SYT11: variants seen among roughly 807,000 people sequenced by gnomAD.
SYT11 encodes synaptotagmin-11.
Under a neutral mutation model 30.4 loss-of-function variants are expected in SYT11, and 12 were observed. The observed-to-expected ratio is 0.39, with a 90% CI of 0.25 to 0.64. The LOEUF (loss-of-function observed/expected upper bound fraction) is 0.64, where lower values mean the gene tolerates loss of function less well. Ranked by LOEUF, SYT11 falls within the 30% of genes least tolerant of loss-of-function variation. The probability of loss-of-function intolerance (pLI) is 0.45; values close to 1 mark genes in which losing one functional copy is unlikely to be tolerated. For synonymous variants in SYT11, 204 were observed against 216.0 expected (o/e 0.94, Z 0.49); for missense variants, 412 against 552.0 (o/e 0.75, Z 2.54).
Position 155,881,093 on chromosome 1 carries a change from A to G in SYT11, c.986-105A>G. 2.5e-6 allele frequency: 3 copies of G among 1,220,588 alleles called. No individual in the cohort carries two copies. In the Admixed American group the frequency reaches 6.7e-5, roughly 27 times the overall value. The allele number at this position is 1,220,588 out of a possible 1,614,324, so 75.6% of individuals were successfully genotyped here. On this transcript the variant is annotated intron_variant, in intron 3 of 3. Coordinates refer to ENST00000368324, the MANE Select transcript of SYT11 (RefSeq NM_152280.5). ...AACACATGGGATGGCCATCAAAGAT[A>G]CGAACAACAGAGCCCCCCCTTTCCC...
At chr1:155,878,934 A>T (rs531915928) in intron 2 of SYT11, among the ~76,000 whole-genome samples, 1 of 152,118 alleles carries the variant, frequency 6.6e-6, no homozygotes, top group East Asian at 1.9e-4. Context: ...GCCTCCCCTG[A>T]ATCTCCCAGC....
rs1673045831 is a variant in SYT11, at chr1:155,885,094, ATAATGCTG to A, written c.*3594_*3601del. ...GCTAACATGAATTGTGTGAAATTGC[ATAATGCTG>A]TAATGCTAATCTACAATATGTAATG... On this transcript the variant is annotated 3_prime_UTR_variant, in exon 4 of 4. Transcript: ENST00000368324. The A allele has an allele frequency of 6.5e-6, 1 of 152,786 alleles. No individual in the cohort carries two copies. Among genetic ancestry groups the A allele is most frequent in the African/African-American group, 2.4e-5 (1 of 41,474 alleles). The allele number at this position is 152,786 out of a possible 1,614,324, so 9.5% of individuals were successfully genotyped here.
chr1:155,872,052 CAGA>C (rs1672788475), intron 2 of SYT11, among the ~76,000 whole-genome samples: 1 of 151,712 alleles, frequency 6.6e-6, no homozygotes, highest in Admixed American at 6.6e-5. Context: ...GCCTGGATGA[CAGA>C]AGGAGACCCT....
Position 155,882,601 on chromosome 1 carries a change from T to C in SYT11, c.*1093T>C, listed in dbSNP as rs1484505013. 6.6e-6 allele frequency: 1 copy of C among 152,384 alleles called. No individual in the cohort carries two copies. Among genetic ancestry groups the C allele is most frequent in the Non-Finnish European group, 1.5e-5 (1 of 68,046 alleles). The allele number at this position is 152,384 out of a possible 1,614,324, so 9.4% of individuals were successfully genotyped here. On this transcript the variant is annotated 3_prime_UTR_variant, in exon 4 of 4. Transcript: ENST00000368324. ...AGAACTTGGATTTTATCAAACTTGA[T>C]GACTTCTCTAAAAGGAGCTTTGGAA...
intron 2 of SYT11, among the ~76,000 whole-genome samples, chr1:155,877,023 G>A (rs1037077602): frequency 2.1e-5 from 3 of 143,700 alleles, no homozygotes; most frequent in Non-Finnish European, 4.5e-5. Context: ...CTGGAGTGCA[G>A]TGACTACAAT....
intron 2 of SYT11, among the ~76,000 whole-genome samples, chr1:155,877,798 C>T (rs1262547899): frequency 2.0e-5 from 3 of 152,054 alleles, no homozygotes; most frequent in Non-Finnish European, 4.4e-5. Context: ...ACTCGTGATC[C>T]GCCTGCCTCG....
Position 155,881,546 on chromosome 1 carries a change from TG to T in SYT11, c.*42del. ...CTCCTCTAATCCCCGGGGGCCAAGC[TG>T]GGGAGGGATGTGGAGGGGAAAAAGA... On this transcript the variant is annotated 3_prime_UTR_variant, in exon 4 of 4. Coordinates refer to ENST00000368324, the MANE Select transcript of SYT11 (RefSeq NM_152280.5). The T allele has an allele frequency of 6.5e-7, 1 of 1,534,544 alleles. No homozygotes were observed. Among genetic ancestry groups the T allele is most frequent in the Non-Finnish European group, 8.8e-7 (1 of 1,133,030 alleles).
At chr1:155,876,101 CA>C (rs936247447) in intron 2 of SYT11, among the ~76,000 whole-genome samples, 11 of 151,958 alleles carry the variant, frequency 7.2e-5, no homozygotes, top group African/African-American at 2.4e-4. Flanking sequence ...TATTTTTGCT[CA>C]ATTTAAGAAT....
At chr1:155,879,091 G>T (rs566222218) in intron 2 of SYT11, among the ~76,000 whole-genome samples, 72 of 151,908 alleles carry the variant, frequency 4.7e-4, no homozygotes, top group African/African-American at 1.4e-3. Flanking sequence ...TCAAAACCTG[G>T]CATGCAGTGC....
chr1:155,881,341 A>G lies in SYT11; in HGVS notation c.1129A>G (p.Ile377Val), dbSNP rs764611434. 31 of 1,614,220 alleles carry G rather than the reference A, an allele frequency of 1.9e-5. No homozygotes were observed. Among genetic ancestry groups the G allele is most frequent in the Non-Finnish European group, 2.5e-5 (30 of 1,180,040 alleles). The change falls in exon 4 of 4, where the codon ATC becomes GTC. Residue 377 changes from isoleucine to valine, a missense_variant. Transcript: ENST00000368324. Reference sequence around the variant, plus strand: ...CACTGACCTCCTGCCTGATATCAGCATCGAGTTCCTCGTTATCGACTTCGA... The same window carrying G: ...CACTGACCTCCTGCCTGATATCAGCGTCGAGTTCCTCGTTATCGACTTCGA... The part of the protein sequence containing the change: ...IPTDLLPDIS[I>V]EFLVIDFDRT...
chr1:155,866,275 G>T (rs1387612984), intron 1 of SYT11, among the ~76,000 whole-genome samples: 1 of 151,996 alleles, frequency 6.6e-6, no homozygotes, highest in Admixed American at 6.6e-5. Context: ...ACCACACCTG[G>T]CTAATTTTTG....
At chr1:155,859,837 G>T in intron 1 of SYT11, 42 bp downstream of exon 1, 1 of 1,600,932 alleles carries the variant, frequency 6.2e-7, no homozygotes, top group Non-Finnish European at 8.6e-7. Flanking sequence ...TGGTCAGAAT[G>T]GTTGCAAGGC....
chr1:155,874,232 C>A (rs1672824535), intron 2 of SYT11, among the ~76,000 whole-genome samples: 1 of 152,080 alleles, frequency 6.6e-6, no homozygotes, highest in Non-Finnish European at 1.5e-5. Flanking sequence ...TGAGATCGTG[C>A]CACTGCACTC....
rs771983348 is a variant in SYT11, at chr1:155,868,515, C to T, written c.585C>T (p.Asp195=). 1.9e-6 allele frequency: 3 copies of T among 1,614,036 alleles called. No individual in the cohort carries two copies. Among genetic ancestry groups the T allele is most frequent in the African/African-American group, 2.7e-5 (2 of 74,924 alleles). ...TGGATGACCAGACCCAGGGATCTGA[C>T]CCCTACATCAAAATGACCATCCTTC... ...PVMDDQTQGS[D]PYIKMTILPD... Residue 195 remains aspartate (D), a synonymous_variant, in exon 2 of 4, where the codon GAC becomes GAT. Transcript: ENST00000368324. The surrounding 1 kb of genome is among the most constrained non-coding windows in gnomAD (Gnocchi z 4.7).
intron 1 of SYT11, among the ~76,000 whole-genome samples, chr1:155,867,586 A>C (rs1273464520): frequency 6.6e-6 from 1 of 152,158 alleles, no homozygotes; most frequent in Non-Finnish European, 1.5e-5. Context: ...CTTGTGTAAC[A>C]GTTGAAGTGA....
chr1:155,868,167 G>A lies in SYT11; in HGVS notation c.237G>A (p.Arg79=), dbSNP rs754088378. The A allele has an allele frequency of 6.2e-7, 1 of 1,614,172 alleles. No individual in the cohort carries two copies. The highest frequency in any genetic ancestry group is 8.5e-7 in the Non-Finnish European group (1 of 1,180,038). The change falls in exon 2 of 4, where the codon CGG becomes CGA. Residue 79 remains arginine, a synonymous_variant. Transcript: ENST00000368324. The surrounding 1 kb of genome is among the most constrained non-coding windows in gnomAD (Gnocchi z 4.7). ...ACAAGAAGAAAATCATCAAAGTGCGGAGAGACAAAGATGGTCCTGGGAGGG... is the reference window on the plus strand; with the variant it reads ...ACAAGAAGAAAATCATCAAAGTGCGAAGAGACAAAGATGGTCCTGGGAGGG... ...LSNKKKIIKV[R]RDKDGPGREG... is the part of the protein sequence containing the mutation.
At chr1:155,863,292 A>C (rs1371580495) in intron 1 of SYT11, among the ~76,000 whole-genome samples, 1 of 151,950 alleles carries the variant, frequency 6.6e-6, no homozygotes, top group African/African-American at 2.4e-5. Context: ...CTCTAAAAAA[A>C]ATTTTTTTTA....
intron 2 of SYT11, among the ~76,000 whole-genome samples, chr1:155,877,493 G>T (rs1672883880): frequency 6.6e-6 from 1 of 150,560 alleles, no homozygotes; most frequent in African/African-American, 2.4e-5. Context: ...TCGATCTCCG[G>T]GGCTCAATCA....
At chr1:155,861,680 G>A (rs1472949574) in intron 1 of SYT11, among the ~76,000 whole-genome samples, 3 of 152,164 alleles carry the variant, frequency 2.0e-5, no homozygotes, top group Non-Finnish European at 4.4e-5. Flanking sequence ...GTGCAATGGC[G>A]TGATCTTGGC....
Sources: gnomAD v4.1 joint callset for allele counts (sites outside exome capture counted in the v4.1 genomes callset) on GRCh38, gnomAD v4.1.1 for gene constraint, Gnocchi (gnomAD v3.1) non-coding constraint, MANE v1.5 for transcripts, NCBI Gene and HGNC (gene_info 2026-07-23, HGNC 2026-07-21) for gene names.